Variants in WWOX observed in about 807,000 individuals in gnomAD.
WWOX encodes WW domain-containing oxidoreductase.
WWOX carries 69 observed loss-of-function variants against 46.2 expected under a neutral mutation model. That is an observed-to-expected ratio of 1.49 (90% CI 1.23 to 1.82). The LOEUF (loss-of-function observed/expected upper bound fraction) is 1.82. WWOX is among the 40% of genes most tolerant of loss of function. The pLI is 0.00. For missense variants in WWOX, 919 were observed against 542.6 expected (o/e 1.69, Z -6.89); for synonymous variants, 359 against 202.6 (o/e 1.77, Z -6.56).
At chr16:79,068,841 T>C (rs1223402078) in intron 8 of WWOX, among the ~76,000 whole-genome samples, 1 of 148,000 alleles carries the variant, frequency 6.8e-6, no homozygotes, top group East Asian at 2.0e-4. Flanking sequence ...ATAATAATAA[T>C]AATAATAATA....
At chr16:79,114,170 C>G (rs555357269) in intron 8 of WWOX, among the ~76,000 whole-genome samples, 2 of 152,178 alleles carry the variant, frequency 1.3e-5, no homozygotes, top group South Asian at 4.2e-4. Context: ...TTAAGTGCAT[C>G]TATTATGGGT....
intron 8 of WWOX, among the ~76,000 whole-genome samples, chr16:78,840,160 C>A (rs890179042): frequency 1.3e-5 from 2 of 152,200 alleles, no homozygotes; most frequent in South Asian, 2.1e-4. Flanking sequence ...ACATTGCCTC[C>A]CAGTTGACCC....
chr16:78,480,877 C>T (rs755988368), intron 8 of WWOX, among the ~76,000 whole-genome samples: 15 of 152,112 alleles, frequency 9.9e-5, no homozygotes, highest in South Asian at 2.1e-4. Context: ...CTAAAGCAAC[C>T]GTCACAGAAT....
chr16:78,379,748 G>A (rs969385245), intron 5 of WWOX, among the ~76,000 whole-genome samples: 1 of 152,154 alleles, frequency 6.6e-6, no homozygotes, highest in Non-Finnish European at 1.5e-5. Flanking sequence ...CTAATTCCTA[G>A]GCAATCTGCA....
chr16:78,406,712 C>T (rs994481049), intron 6 of WWOX, among the ~76,000 whole-genome samples: 1 of 151,580 alleles, frequency 6.6e-6, no homozygotes, highest in East Asian at 1.9e-4. Context: ...CTGCAACCTC[C>T]TCCTCCGGGG....
chr16:79,020,576 C>T (rs979946404), intron 8 of WWOX, among the ~76,000 whole-genome samples: 1 of 152,168 alleles, frequency 6.6e-6, no homozygotes. Context: ...CTATTATTGT[C>T]ATCCTTTTTA....
chr16:78,442,200 A>G (rs559848329), intron 8 of WWOX, among the ~76,000 whole-genome samples: 39 of 152,252 alleles, frequency 2.6e-4, no homozygotes, highest in African/African-American at 8.4e-4. Flanking sequence ...ATTCATATGC[A>G]TTGTGAAATG....
intron 8 of WWOX, among the ~76,000 whole-genome samples, chr16:78,651,140 C>G (rs1195580145): frequency 1.3e-5 from 2 of 152,186 alleles, no homozygotes; most frequent in Non-Finnish European, 2.9e-5. Context: ...CAGTTGGGAT[C>G]AGAAGGCCAC....
At chr16:78,168,656 A>T (rs1165277938) in intron 5 of WWOX, 2 of 152,076 alleles carry the variant, frequency 1.3e-5, no homozygotes, top group Admixed American at 1.3e-4. Context: ...CAAACTCTCT[A>T]GCTGCGGTTT....
intron 8 of WWOX, among the ~76,000 whole-genome samples, chr16:78,986,673 C>G (rs887575106): frequency 1.3e-5 from 2 of 152,194 alleles, no homozygotes; most frequent in Non-Finnish European, 2.9e-5. Context: ...CTCTTGAATT[C>G]TCTTTAATAG....
At chr16:78,905,737 C>G (rs547055286) in intron 8 of WWOX, among the ~76,000 whole-genome samples, 2 of 152,246 alleles carry the variant, frequency 1.3e-5, no homozygotes, top group African/African-American at 2.4e-5. Context: ...ATGATATGAG[C>G]CGATCAAATG....
intron 8 of WWOX, among the ~76,000 whole-genome samples, chr16:78,471,001 T>C (rs545811416): frequency 1.3e-5 from 2 of 152,338 alleles, no homozygotes; most frequent in Admixed American, 1.3e-4. Context: ...CACGTTTCCT[T>C]GAATACCTTT....
chr16:78,109,587 C>G (rs947144112), intron 2 of WWOX, among the ~76,000 whole-genome samples, 191 bp from the exon 3 acceptor site: 25 of 152,040 alleles, frequency 1.6e-4, no homozygotes, highest in African/African-American at 6.0e-4. Flanking sequence ...AAATGTGGAG[C>G]CCAGGGTGGG....
chr16:78,158,655 A>G (rs974449483), intron 4 of WWOX, among the ~76,000 whole-genome samples: 1 of 152,132 alleles, frequency 6.6e-6, no homozygotes, highest in Non-Finnish European at 1.5e-5. Context: ...GTTGTTCACC[A>G]TATCTTAAGA....
chr16:78,721,743 A>G (rs1375051341), intron 8 of WWOX, among the ~76,000 whole-genome samples: 2 of 152,196 alleles, frequency 1.3e-5, no homozygotes, highest in African/African-American at 4.8e-5. Context: ...CTGGGAATCG[A>G]ATGAGAGATT....
chr16:78,560,376 C>T (rs1329832074), intron 8 of WWOX, among the ~76,000 whole-genome samples: 1 of 152,220 alleles, frequency 6.6e-6, no homozygotes, highest in Non-Finnish European at 1.5e-5. Flanking sequence ...GGTGCGGTGG[C>T]TCACGCCTGT....
rs549367295 is a variant in WWOX at position 78,343,825 on chromosome 16, A to G, written c.517-43035A>G. Among the ~76,000 whole-genome samples, 4 of 120,348 alleles carry G rather than the reference A, an allele frequency of 3.3e-5. 2 individuals are homozygous for G. Among genetic ancestry groups the G allele is most frequent in the Non-Finnish European group, 7.9e-5 (4 of 50,346 alleles). The allele number at this position is 120,348 out of a possible 152,430, so 79.0% of individuals were successfully genotyped here. A position where few individuals can be genotyped will look rare whatever the true frequency, so the allele number is the denominator to read the frequency against. On this transcript the variant is annotated intron_variant, in intron 5 of 8. Transcript: ENST00000566780. ...TTCTTTGTCATTCAGCTGCTTTAAT[A>G]TTAATATGACACCCGTTTTGGGCTT...
intron 8 of WWOX, among the ~76,000 whole-genome samples, chr16:79,188,279 T>C (rs1382097124): frequency 6.6e-6 from 1 of 152,194 alleles, no homozygotes; most frequent in African/African-American, 2.4e-5. Context: ...GAAATGTCGG[T>C]GGAGGCAGGC....
chr16:78,536,701 G>A (rs887934669), intron 8 of WWOX, among the ~76,000 whole-genome samples: 1 of 152,056 alleles, frequency 6.6e-6, no homozygotes, highest in South Asian at 2.1e-4. Flanking sequence ...CTCTGATGCT[G>A]ATCATGACTA....
Sources: allele counts gnomAD v4.1 joint callset (sites outside exome capture counted in the v4.1 genomes callset), GRCh38; gene constraint gnomAD v4.1.1; transcripts MANE v1.5; gene names NCBI Gene and HGNC (gene_info 2026-07-23, HGNC 2026-07-21).